The following FOXP2 variants were observed in gnomAD, a reference collection of about 807,000 sequenced individuals.
The protein encoded by FOXP2 is forkhead box P2.
A neutral mutation model predicts 115.8 loss-of-function variants in FOXP2; 12 were observed. That is an observed-to-expected ratio of 0.10 (90% CI 0.07 to 0.17). FOXP2 has a LOEUF of 0.17. Among genes scored for constraint, FOXP2 ranks in the 10% least tolerant of loss-of-function variants. FOXP2 has a pLI of 1.00. For missense variants in FOXP2, 629 were observed against 843.5 expected, an observed-to-expected ratio of 0.75 and a Z score of 3.15; for synonymous variants, 328 against 297.7, an observed-to-expected ratio of 1.10 and a Z score of -1.05.
intron 1 of FOXP2, among the ~76,000 whole-genome samples, chr7:114,189,200 A>G (rs1236008442): frequency 6.6e-6 from 1 of 152,184 alleles, no homozygotes; most frequent in East Asian, 1.9e-4. Flanking sequence ...TTTCATTACC[A>G]TATATCCAAT....
intron 1 of FOXP2, among the ~76,000 whole-genome samples, chr7:114,184,401 A>G (rs1793540061): frequency 6.6e-6 from 1 of 152,148 alleles, no homozygotes; most frequent in Non-Finnish European, 1.5e-5. Context: ...CTTACTCGTT[A>G]TTTCCATAAG....
chr7:114,193,564 A>G (rs946974136), intron 1 of FOXP2, among the ~76,000 whole-genome samples: 5 of 152,074 alleles, frequency 3.3e-5, no homozygotes, highest in African/African-American at 9.7e-5. Flanking sequence ...TTAAATAACT[A>G]TAAACCTATT....
chr7:114,254,751 G>T (rs1190286209), intron 1 of FOXP2, among the ~76,000 whole-genome samples: 1 of 152,134 alleles, frequency 6.6e-6, no homozygotes, highest in Non-Finnish European at 1.5e-5. Context: ...TCCTCCTTTA[G>T]CTCAGAGAAG....
At chr7:114,214,139 T>G (rs1794427226) in intron 1 of FOXP2, among the ~76,000 whole-genome samples, 1 of 152,200 alleles carries the variant, frequency 6.6e-6, no homozygotes, top group Non-Finnish European at 1.5e-5. Flanking sequence ...CCATGTGAGA[T>G]TTCAGTCTTT....
At chr7:114,653,180 CA>C (rs1806372328) in intron 9 of FOXP2, among the ~76,000 whole-genome samples, 1 of 152,030 alleles carries the variant, frequency 6.6e-6, no homozygotes, top group African/African-American at 2.4e-5. Flanking sequence ...ATCAAGAACA[CA>C]AAAAGCACCA....
In FOXP2 at chr7:114,458,997, C is replaced by T. The variant is rs539983472; in HGVS notation, c.168+32318C>T. On this transcript the variant is annotated intron_variant, in intron 2 of 16. Coordinates refer to ENST00000350908, the MANE Select transcript of FOXP2 (RefSeq NM_014491.4). Reference sequence around the variant, plus strand: ...ATCCGGAGGTGGGGCTGGGCTTGACCTTCCAAGAAGGCTTCAACCTCCTAG... The same window carrying T: ...ATCCGGAGGTGGGGCTGGGCTTGACTTTCCAAGAAGGCTTCAACCTCCTAG... Among the ~76,000 whole-genome samples, 6 of 152,228 alleles carry T rather than the reference C, an allele frequency of 3.9e-5. No individual in the cohort carries two copies. In the East Asian group the frequency reaches 9.7e-4, roughly 25 times the overall value.
chr7:114,355,472 C>T (rs1326475869), intron 2 of FOXP2, among the ~76,000 whole-genome samples: 3 of 152,082 alleles, frequency 2.0e-5, no homozygotes, highest in Admixed American at 1.3e-4. Flanking sequence ...AAAAATAATG[C>T]ACTTAGGTCA....
At chr7:114,571,603 A>T (rs866210235) in intron 3 of FOXP2, among the ~76,000 whole-genome samples, 1 of 151,990 alleles carries the variant, frequency 6.6e-6, no homozygotes, top group African/African-American at 2.4e-5. Context: ...AGTTGGGGAA[A>T]AAATGGATGG....
chr7:114,194,545 T>G (rs752927343), intron 1 of FOXP2, among the ~76,000 whole-genome samples: 69 of 152,128 alleles, frequency 4.5e-4, no homozygotes, highest in Non-Finnish European at 2.4e-4. Context: ...AAGATAGCGC[T>G]GAATCCTCAT....
At position 114,681,266 on chromosome 7, in the gene FOXP2, C is replaced by G. The variant is rs574205049; in HGVS notation, c.2004-8516C>G. ...TTCCTGTCAAAGTGAGATAGATGCT[C>G]TTTACATCATTATAGATACAGGGGA... is the stretch of plus-strand genomic sequence containing the variant. On this transcript the variant is annotated intron_variant, in intron 16 of 16. Coordinates refer to ENST00000350908, the MANE Select transcript of FOXP2 (RefSeq NM_014491.4). Among the ~76,000 whole-genome samples the G allele has an allele frequency of 6.6e-5, 10 of 152,190 alleles. No homozygotes were observed. The East Asian group carries it at 1.5e-3, about 23-fold the overall frequency.
intron 10 of FOXP2, 186 bp downstream of exon 10, chr7:114,654,195 T>A: frequency 7.4e-7 from 1 of 1,352,544 alleles, no homozygotes; most frequent in Non-Finnish European, 9.8e-7. Context: ...TTTTACAAAA[T>A]CTATCCAATC....
Position 114,484,315 on chromosome 7 carries a change from T to A in FOXP2, c.169-50302T>A, listed in dbSNP as rs186888378. On this transcript the variant is annotated intron_variant, in intron 2 of 16. Coordinates refer to ENST00000350908, the MANE Select transcript of FOXP2 (RefSeq NM_014491.4). ...TATTTTGACTTCTTGAATTTTTGAA[T>A]ATATCTTTCAAACTCAGTTTCTACT... 1.8e-3 allele frequency among the ~76,000 whole-genome samples: 272 copies of A among 151,992 alleles called. 2 individuals are homozygous for A. The highest frequency in any genetic ancestry group is 6.3e-3 in the African/African-American group (262 of 41,558).
intron 2 of FOXP2, among the ~76,000 whole-genome samples, chr7:114,516,158 TATACTACA>T (rs1020010344): frequency 7.2e-4 from 109 of 152,284 alleles, no homozygotes; most frequent in Middle Eastern, 3.4e-3. Flanking sequence ...GACTTCAAAC[TATACTACA>T]AGTCTACAGT....
At chr7:114,580,530 A>G in intron 3 of FOXP2, among the ~76,000 whole-genome samples, 1 of 152,192 alleles carries the variant, frequency 6.6e-6, no homozygotes, top group Non-Finnish European at 1.5e-5. Context: ...GTGAGCTGAG[A>G]TCACACCACC....
chr7:114,135,071 T>C (rs1439238368), intron 1 of FOXP2, among the ~76,000 whole-genome samples: 1 of 152,258 alleles, frequency 6.6e-6, no homozygotes, highest in African/African-American at 2.4e-5. Context: ...GATATATTCA[T>C]ATAGGAAGAA....
At chr7:114,114,740 T>C (rs1007453330) in intron 1 of FOXP2, among the ~76,000 whole-genome samples, 12 of 152,184 alleles carry the variant, frequency 7.9e-5, no homozygotes, top group African/African-American at 2.9e-4. Flanking sequence ...GTTATTGATA[T>C]TCACCTCTCA....
At chr7:114,260,967 G>A (rs1468041030) in intron 1 of FOXP2, among the ~76,000 whole-genome samples, 1 of 152,140 alleles carries the variant, frequency 6.6e-6, no homozygotes, top group East Asian at 1.9e-4. Context: ...TTTGGTACAT[G>A]AAACAAAAAG....
At chr7:114,602,436 T>C (rs1457506274) in intron 3 of FOXP2, among the ~76,000 whole-genome samples, 1 of 152,114 alleles carries the variant, frequency 6.6e-6, no homozygotes, top group Non-Finnish European at 1.5e-5. Flanking sequence ...TATATAGCTA[T>C]AAGTATCTTT....
At chr7:114,260,244 A>T (rs1012683135) in intron 1 of FOXP2, among the ~76,000 whole-genome samples, 31 of 151,800 alleles carry the variant, frequency 2.0e-4, no homozygotes, top group Admixed American at 1.3e-4. Context: ...ACACCGCCAA[A>T]AAACCAATGT....
Sources: allele counts gnomAD v4.1 joint callset (sites outside exome capture counted in the v4.1 genomes callset), GRCh38; gene constraint gnomAD v4.1.1; transcripts MANE v1.5; gene names NCBI Gene and HGNC (gene_info 2026-07-23, HGNC 2026-07-21).